The following MACROD2 variants were observed in gnomAD, a reference collection of about 807,000 sequenced individuals.
The protein encoded by MACROD2 is mono-ADP ribosylhydrolase 2.
A neutral mutation model predicts 70.4 loss-of-function variants in MACROD2; 36 were observed. The observed-to-expected ratio is 0.51, with a 90% CI of 0.39 to 0.68. The LOEUF (loss-of-function observed/expected upper bound fraction) is 0.68, where lower values mean the gene tolerates loss of function less well. MACROD2 is among the 30% of genes least tolerant of loss of function. The probability of loss-of-function intolerance (pLI) is 0.00; values close to 1 mark genes in which losing one functional copy is unlikely to be tolerated. For missense variants in MACROD2, 496 were observed against 538.4 expected (o/e 0.92, Z 0.78); for synonymous variants, 172 against 178.8 (o/e 0.96, Z 0.30).
intron 8 of MACROD2, among the ~76,000 whole-genome samples, chr20:15,584,129 C>T (rs774881562): frequency 6.6e-6 from 1 of 152,186 alleles, no homozygotes; most frequent in African/African-American, 2.4e-5. Flanking sequence ...TCTAAGTGTC[C>T]CCTGCAACTT....
chr20:15,253,656 C>T lies in MACROD2; in HGVS notation c.540+23595C>T, dbSNP rs116736855. Among the ~76,000 whole-genome samples, 427 of 152,224 alleles carry T rather than the reference C, an allele frequency of 2.8e-3. 2 individuals are homozygous for T. Among genetic ancestry groups the T allele is most frequent in the African/African-American group, 9.7e-3 (405 of 41,554 alleles). The stretch of plus-strand genomic sequence containing the variant: ...TAACTATGGGTGAGGCCATTCCTTC[C>T]GCTGGGGCAAGAATAACTATAGATG... On this transcript the variant is annotated intron_variant, in intron 6 of 17. Transcript: ENST00000684519.
At chr20:14,819,297 A>C (rs1457496696) in intron 5 of MACROD2, among the ~76,000 whole-genome samples, 3 of 150,160 alleles carry the variant, frequency 2.0e-5, no homozygotes, top group Non-Finnish European at 3.0e-5. Flanking sequence ...CAAACAAAAA[A>C]CCCCCAAAAA....
intron 6 of MACROD2, among the ~76,000 whole-genome samples, chr20:15,343,673 G>A (rs1474221224): frequency 6.6e-6 from 1 of 152,152 alleles, no homozygotes; most frequent in Non-Finnish European, 1.5e-5. Context: ...ATATATCTGA[G>A]TATTCTTTGA....
chr20:14,471,644 TG>T (rs1195742849), intron 3 of MACROD2, among the ~76,000 whole-genome samples: 1 of 152,204 alleles, frequency 6.6e-6, no homozygotes, highest in Non-Finnish European at 1.5e-5. Context: ...TACTAATTTT[TG>T]TTTCATTGAT....
At chr20:14,788,635 T>A (rs2072405194) in intron 5 of MACROD2, among the ~76,000 whole-genome samples, 1 of 151,584 alleles carries the variant, frequency 6.6e-6, no homozygotes, top group African/African-American at 2.4e-5. Flanking sequence ...GATTATTTAC[T>A]TTTAAGTAGT....
chr20:15,615,307 C>T (rs1600670036), intron 8 of MACROD2, among the ~76,000 whole-genome samples: 1 of 152,148 alleles, frequency 6.6e-6, no homozygotes, highest in Non-Finnish European at 1.5e-5. Flanking sequence ...CACTGTTAAC[C>T]TAGATGTGAA....
chr20:15,669,158 AT>A (rs1308419937), intron 8 of MACROD2, among the ~76,000 whole-genome samples: 2 of 152,214 alleles, frequency 1.3e-5, no homozygotes, highest in African/African-American at 4.8e-5. Context: ...GATGTAACAG[AT>A]CTTTGAATAA....
chr20:15,217,246 A>G (rs1231657272), intron 5 of MACROD2, among the ~76,000 whole-genome samples: 2 of 152,202 alleles, frequency 1.3e-5, no homozygotes, highest in Non-Finnish European at 2.9e-5. Context: ...TATCCCATGT[A>G]TGCACGTGGT....
chr20:14,045,057 G>A (rs1328735676), intron 2 of MACROD2, among the ~76,000 whole-genome samples: 1 of 152,212 alleles, frequency 6.6e-6, no homozygotes, highest in Non-Finnish European at 1.5e-5. Context: ...TGGGGCTTGC[G>A]GGCCGGCTTG....
In MACROD2 at chr20:15,740,159, G is replaced by C. The variant is rs140275254; in HGVS notation, c.646-122586G>C. 5.5e-3 allele frequency among the ~76,000 whole-genome samples: 838 copies of C among 152,278 alleles called. 11 individuals carry two copies. The highest frequency in any genetic ancestry group is 0.01 in the Middle Eastern group (3 of 294). On this transcript the variant is annotated intron_variant, in intron 8 of 17. Coordinates refer to ENST00000684519, the MANE Select transcript of MACROD2 (RefSeq NM_001351661.2). ...AGAAAGAAAATGTGGAAGAATATGT[G>C]GGAGGGTTCTTTGAGACTTGGAATG...
intron 5 of MACROD2, among the ~76,000 whole-genome samples, chr20:15,036,472 C>G (rs953409787): frequency 6.6e-6 from 1 of 152,114 alleles, no homozygotes; most frequent in Non-Finnish European, 1.5e-5. Context: ...ATCCCCCTTC[C>G]CCCCACCAAT....
At position 14,852,127 on chromosome 20, in the gene MACROD2, G is replaced by A. The variant is rs774716711; in HGVS notation, c.418+167168G>A. On this transcript the variant is annotated intron_variant, in intron 5 of 17. Coordinates refer to ENST00000684519, the MANE Select transcript of MACROD2 (RefSeq NM_001351661.2). ...GTGAGCCCTCTGGAACACTCCATGAGGGATGGGAGCAGGCGGGAGGAGGAA... is the reference window on the plus strand; with the variant it reads ...GTGAGCCCTCTGGAACACTCCATGAAGGATGGGAGCAGGCGGGAGGAGGAA... Among the ~76,000 whole-genome samples, 5 of 152,260 alleles carry A rather than the reference G, an allele frequency of 3.3e-5. No individual in the cohort carries two copies. In the Middle Eastern group the frequency reaches 0.01, roughly 311 times the overall value.
chr20:14,932,851 C>A (rs1461655630), intron 5 of MACROD2, among the ~76,000 whole-genome samples: 2 of 152,092 alleles, frequency 1.3e-5, no homozygotes, highest in Non-Finnish European at 2.9e-5. Context: ...CAGGGATGAA[C>A]CACGGCGCCC....
chr20:15,400,134 T>C (rs927195371), intron 6 of MACROD2, among the ~76,000 whole-genome samples: 1 of 152,242 alleles, frequency 6.6e-6, no homozygotes, highest in Admixed American at 6.5e-5. Context: ...CTTAGAATCA[T>C]CCTGTATTTG....
At chr20:15,770,242 A>C (rs1252540906) in intron 8 of MACROD2, among the ~76,000 whole-genome samples, 1 of 150,994 alleles carries the variant, frequency 6.6e-6, no homozygotes, top group Non-Finnish European at 1.5e-5. Flanking sequence ...TTGCCCACAA[A>C]TTTCTAATTT....
chr20:15,602,164 G>T (rs2048830921), intron 8 of MACROD2, among the ~76,000 whole-genome samples: 2 of 152,214 alleles, frequency 1.3e-5, no homozygotes, highest in Admixed American at 6.5e-5. Flanking sequence ...CGTGATGGGA[G>T]TGTTAAGCTG....
chr20:14,553,408 C>CT (rs34162149), intron 4 of MACROD2, among the ~76,000 whole-genome samples: 32,221 of 127,796 alleles, frequency 0.25, 4,055 homozygotes, highest in Non-Finnish European at 0.27. Context: ...TTCTAGTTAA[C>CT]TTTTTTTTTT....
At position 15,258,590 on chromosome 20, in the gene MACROD2, A is replaced by G. The variant is rs141187646; in HGVS notation, c.540+28529A>G. 3.3e-3 allele frequency among the ~76,000 whole-genome samples: 507 copies of G among 152,202 alleles called. 2 individuals carry two copies. Among genetic ancestry groups the G allele is most frequent in the Non-Finnish European group, 5.0e-3 (342 of 67,970 alleles). On this transcript the variant is annotated intron_variant, in intron 6 of 17. Coordinates refer to ENST00000684519, the MANE Select transcript of MACROD2 (RefSeq NM_001351661.2). The stretch of plus-strand genomic sequence containing the variant: ...GCCTAGGTATGTAGTAGGCTACACC[A>G]TCTAGGTTTGTGTAAGTCCCTCTGT...
chr20:15,493,984 T>C (rs1390312370), intron 7 of MACROD2, among the ~76,000 whole-genome samples: 1 of 152,246 alleles, frequency 6.6e-6, no homozygotes, highest in East Asian at 1.9e-4. Context: ...TTAAATTGTC[T>C]TGATGGTCTG....
Sources: allele counts gnomAD v4.1 joint callset (sites outside exome capture counted in the v4.1 genomes callset), GRCh38; gene constraint gnomAD v4.1.1; transcripts MANE v1.5; gene names NCBI Gene and HGNC (gene_info 2026-07-23, HGNC 2026-07-21).